Variants in NIPAL4 observed in about 807,000 individuals in gnomAD.
NIPAL4 encodes magnesium transporter NIPA4.
Under a neutral mutation model 31.6 loss-of-function variants are expected in NIPAL4, and 21 were observed. That is an observed-to-expected ratio of 0.67 (90% CI 0.47 to 0.96). NIPAL4 has a LOEUF of 0.96. NIPAL4 is among the 40% of genes least tolerant of loss of function. The pLI is 0.00. For synonymous variants in NIPAL4, 175 were observed against 211.1 expected (o/e 0.83, Z 1.48); for missense variants, 438 against 508.0 (o/e 0.86, Z 1.32).
chr5:157,465,939 G>A (rs1292697945), intron 2 of NIPAL4, among the ~76,000 whole-genome samples: 1 of 152,158 alleles, frequency 6.6e-6, no homozygotes, highest in Non-Finnish European at 1.5e-5. Context: ...GCTTCATTGA[G>A]CTATGATCAT....
chr5:157,465,945 A>G (rs756389488), intron 2 of NIPAL4, among the ~76,000 whole-genome samples: 1 of 152,088 alleles, frequency 6.6e-6, no homozygotes, highest in Non-Finnish European at 1.5e-5. Context: ...TTGAGCTATG[A>G]TCATGCCACT....
At chr5:157,472,111 T>A (rs1204198124) in intron 5 of NIPAL4, among the ~76,000 whole-genome samples, 1 of 152,186 alleles carries the variant, frequency 6.6e-6, no homozygotes, top group African/African-American at 2.4e-5. Context: ...ATGAGGATGA[T>A]CCTATTGTTG....
intron 1 of NIPAL4, chr5:157,460,612 G>C (rs982262768): frequency 3.6e-5 from 24 of 665,234 alleles, no homozygotes; most frequent in Non-Finnish European, 6.1e-5. Context: ...GGGGGTTAGT[G>C]GGGGGCAGGC....
chr5:157,467,158 A>C, intron 3 of NIPAL4, 53 bp downstream of exon 3: 2 of 1,038,948 alleles, frequency 1.9e-6, no homozygotes, highest in Non-Finnish European at 3.0e-6. Context: ...GCAGGGCTGG[A>C]GACAAAGGGA....
chr5:157,472,699 CAGCA>C lies in NIPAL4; in HGVS notation c.955_958del (p.Ser319CysfsTer66). ...CCATCATCCTCTTCAAGGAGTGGTACAGCATGTCTGCTGTGGACATTGCAGGCAC... is the reference window on the plus strand; with the variant it reads ...CCATCATCCTCTTCAAGGAGTGGTACTGTCTGCTGTGGACATTGCAGGCAC... On this transcript the variant is annotated frameshift_variant, in exon 6 of 6. Coordinates refer to ENST00000311946, the MANE Select transcript of NIPAL4 (RefSeq NM_001099287.2). LOFTEE classifies it high-confidence loss of function. 6.2e-7 allele frequency: 1 copy of C among 1,614,016 alleles called. No homozygotes were observed. Among genetic ancestry groups the C allele is most frequent in the Non-Finnish European group, 8.5e-7 (1 of 1,179,896 alleles).
At chr5:157,470,129 C>T (rs771563019) in intron 4 of NIPAL4, among the ~76,000 whole-genome samples, 10 of 152,180 alleles carry the variant, frequency 6.6e-5, no homozygotes, top group Non-Finnish European at 1.2e-4. Flanking sequence ...ATTTTTAAGG[C>T]TAAAAATAGC....
At position 157,463,324 on chromosome 5, in the gene NIPAL4, A is replaced by T; in HGVS notation, c.268A>T (p.Thr90Ser). 1 of 1,609,214 alleles carries T rather than the reference A, an allele frequency of 6.2e-7. No homozygotes were observed. The highest frequency in any genetic ancestry group is 8.5e-7 in the Non-Finnish European group (1 of 1,176,896). The change falls in exon 2 of 6, where the codon ACT becomes TCT. Residue 90 changes from threonine (T) to serine (S), a missense_variant. Thr to Ser is a moderately conservative substitution (Grantham distance 58). Coordinates refer to ENST00000311946, the MANE Select transcript of NIPAL4 (RefSeq NM_001099287.2). ...CTTGCGACTCGTGGCCACGGGAGCC[A>T]CTCGAGCTGGTAGGTTCCTGGGCCA... ...GLLRLVATGA[T>S]RAVDGGFGYL...
chr5:157,473,820 T>G lies in NIPAL4; in HGVS notation c.*860T>G, dbSNP rs989966956. The G allele has an allele frequency of 1.6e-4, 24 of 152,352 alleles. No homozygotes were observed. Among genetic ancestry groups the G allele is most frequent in the African/African-American group, 4.1e-4 (17 of 41,578 alleles). 9.4% of individuals were successfully genotyped at this position (152,352 alleles called of 1,614,324 possible). A position where few individuals can be genotyped will look rare whatever the true frequency, so the allele number is the denominator to read the frequency against. ...TCTGAAAGAAGAACAGCAAATTCAC[T>G]GCTTCAAAGTGGCCTGGCTGCCAAG... On this transcript the variant is annotated 3_prime_UTR_variant, in exon 6 of 6. Transcript: ENST00000311946.
chr5:157,460,611 TG>T (rs936776702), intron 1 of NIPAL4: 26 of 417,698 alleles, frequency 6.2e-5, no homozygotes, highest in Non-Finnish European at 1.1e-4. Flanking sequence ...GGGGGGTTAG[TG>T]GGGGGCAGGC....
intron 2 of NIPAL4, among the ~76,000 whole-genome samples, chr5:157,466,190 T>C (rs1226135256): frequency 3.3e-5 from 5 of 151,748 alleles, no homozygotes; most frequent in Non-Finnish European, 5.9e-5. Flanking sequence ...GTAGAGTGAG[T>C]GTAAGTTTAG....
At chr5:157,467,375 C>T (rs1416186043) in intron 3 of NIPAL4, 3 of 399,190 alleles carry the variant, frequency 7.5e-6, no homozygotes, top group South Asian at 2.3e-5. Flanking sequence ...AAACATAGCT[C>T]GATAATATCA....
rs771029335 is a variant in NIPAL4, at chr5:157,471,689, G to A, written c.458G>A (p.Ser153Asn). ...CTCTCCTCATATTTCCTGAGGGAGA[G>A]TCTGAACCTGCTGGGGAAGCTGGGC... ...AILSSYFLRE[S>N]LNLLGKLGCV... is the part of the protein sequence containing the mutation. Residue 153 changes from serine to asparagine, a missense_variant, in exon 5 of 6, where the codon AGT becomes AAT. Coordinates refer to ENST00000311946, the MANE Select transcript of NIPAL4 (RefSeq NM_001099287.2). 11 of 1,608,278 alleles carry A rather than the reference G, an allele frequency of 6.8e-6. No homozygotes were observed. In the East Asian group the frequency reaches 2.0e-4, roughly 29 times the overall value.
In NIPAL4 at chr5:157,463,197, G is replaced by A; in HGVS notation, c.141G>A (p.Gln47=). 1 of 1,614,038 alleles carries A rather than the reference G, an allele frequency of 6.2e-7. No homozygotes were observed. Residue 47 remains glutamine (Q), a synonymous_variant, in exon 2 of 6, where the codon CAG becomes CAA. Transcript: ENST00000311946. ...VPSNATFHSW[Q]ERIRQNYGFY... Reference sequence around the variant, plus strand: ...GCAATGCCACCTTTCACAGCTGGCAGGAAAGAATCAGGCAGAACTATGGCT... The same window carrying A: ...GCAATGCCACCTTTCACAGCTGGCAAGAAAGAATCAGGCAGAACTATGGCT...
chr5:157,460,447 A>T, intron 1 of NIPAL4, 90 bp downstream of exon 1: 1 of 1,317,560 alleles, frequency 7.6e-7, no homozygotes, highest in Non-Finnish European at 1.1e-6. Context: ...CTCTCCTCCC[A>T]GGGGGGCCAA....
At position 157,467,040 on chromosome 5, in the gene NIPAL4, C is replaced by T. The variant is rs1754293467; in HGVS notation, c.278-9C>T. On this transcript the variant is annotated splice_polypyrimidine_tract_variant and intron_variant, in intron 2 of 5. Transcript: ENST00000311946. ...TTCCATCCTAACTTTGTGTCCATTC[C>T]CTCCACAGTGGATGGAGGCTTCGGC... is the stretch of plus-strand genomic sequence containing the variant. 1.2e-6 allele frequency: 2 copies of T among 1,610,374 alleles called. No individual in the cohort carries two copies. The highest frequency in any genetic ancestry group is 1.7e-6 in the Non-Finnish European group (2 of 1,176,886).
At chr5:157,461,826 C>T (rs1754118957) in intron 1 of NIPAL4, among the ~76,000 whole-genome samples, 1 of 152,170 alleles carries the variant, frequency 6.6e-6, no homozygotes, top group Non-Finnish European at 1.5e-5. Flanking sequence ...TCAGTTTCCC[C>T]AGAAAAAATA....
At chr5:157,472,060 C>T (rs988846774) in intron 5 of NIPAL4, among the ~76,000 whole-genome samples, 3 of 152,160 alleles carry the variant, frequency 2.0e-5, no homozygotes, top group Non-Finnish European at 4.4e-5. Context: ...GTTATGAATG[C>T]TTTATATACA....
intron 3 of NIPAL4, chr5:157,467,334 C>A (rs1374773954): frequency 2.2e-5 from 11 of 509,556 alleles, no homozygotes; most frequent in Non-Finnish European, 2.9e-5. Flanking sequence ...GAGCTGGCAA[C>A]CATGAAGGTG....
Position 157,473,287 on chromosome 5 carries a change from C to T in NIPAL4, c.*327C>T, listed in dbSNP as rs1046445332. ...ATGGAGTCTGACCCACTGAATGTAG[C>T]ACAGTCCAAGGACTTCTCTAAGATA... is the stretch of plus-strand genomic sequence containing the variant. On this transcript the variant is annotated 3_prime_UTR_variant, in exon 6 of 6. Coordinates refer to ENST00000311946, the MANE Select transcript of NIPAL4 (RefSeq NM_001099287.2). The T allele has an allele frequency of 3.9e-6, 1 of 254,748 alleles. No individual in the cohort carries two copies. The highest frequency in any genetic ancestry group is 2.2e-5 in the African/African-American group (1 of 45,230). 15.8% of individuals were successfully genotyped at this position (254,748 alleles called of 1,614,324 possible).
Sources: allele counts gnomAD v4.1 joint callset (sites outside exome capture counted in the v4.1 genomes callset), GRCh38; gene constraint gnomAD v4.1.1; transcripts MANE v1.5; gene names NCBI Gene and HGNC (gene_info 2026-07-23, HGNC 2026-07-21).